OR51B5: variants seen among roughly 807,000 people sequenced by gnomAD.
OR51B5 encodes olfactory receptor family 51 subfamily B member 5, also known as olfactory receptor 51B5.
For synonymous variants in OR51B5, 186 were observed against 144.8 expected (o/e 1.28, Z -2.04); for missense variants, 456 against 374.6 (o/e 1.22, Z -1.79).
At chr11:5,417,678 C>T (rs1296189031) in intron 1 of OR51B5, among the ~76,000 whole-genome samples, 1 of 151,658 alleles carries the variant, frequency 6.6e-6, no homozygotes, top group East Asian at 1.9e-4. Context: ...AAAAAATGTT[C>T]ACCATCACTG....
rs529690655 is a variant in OR51B5 at position 5,492,488 on chromosome 11, TTCTC to T, written n.84+13077_84+13080del. Among the ~76,000 whole-genome samples the T allele has an allele frequency of 7.8e-4, 119 of 152,310 alleles. 1 individual carries two copies. Among genetic ancestry groups the T allele is most frequent in the African/African-American group, 2.7e-3 (114 of 41,576 alleles). ...GTGATTTAGATTATTCTCTTAATTT[TTCTC>T]TCTGAGACTCTAAATTCCCAAAGAG... On this transcript the variant is annotated intron_variant and non_coding_transcript_variant, in intron 1 of 4. Transcript: ENST00000415970.
intron 1 of OR51B5, chr11:5,351,867 T>C: frequency 6.2e-7 from 1 of 1,613,414 alleles, no homozygotes; most frequent in Non-Finnish European, 8.5e-7. Context: ...CTTATGACTG[T>C]TTCATTACCA....
At chr11:5,477,447 A>G (rs941921786) in intron 1 of OR51B5, among the ~76,000 whole-genome samples, 4 of 152,124 alleles carry the variant, frequency 2.6e-5, no homozygotes, top group South Asian at 4.2e-4. Flanking sequence ...ATTCATCTCA[A>G]AATCTATCCT....
chr11:5,345,438 A>G (rs1456992895), upstream of OR51B5, among the ~76,000 whole-genome samples: 8 of 152,168 alleles, frequency 5.3e-5, no homozygotes, highest in African/African-American at 1.9e-4. Flanking sequence ...ATTTGCTGAT[A>G]TATTAAAAAT....
At chr11:5,441,092 GT>G in intron 1 of OR51B5, 1 of 1,614,034 alleles carries the variant, frequency 6.2e-7, no homozygotes, top group Non-Finnish European at 8.5e-7. Context: ...CCAATATACG[GT>G]TGTGAGTGAG....
intron 1 of OR51B5, among the ~76,000 whole-genome samples, chr11:5,386,155 G>A (rs1472315667): frequency 6.7e-6 from 1 of 149,536 alleles, no homozygotes; most frequent in East Asian, 1.9e-4. Flanking sequence ...GGAAAAACAG[G>A]GGTGGTTTTT....
chr11:5,364,315 C>A (rs2736552), intron 1 of OR51B5, among the ~76,000 whole-genome samples: 40,696 of 151,998 alleles, frequency 0.27, 5,710 homozygotes, highest in African/African-American at 0.32. Context: ...CTTCACAAAA[C>A]CATTGGAATT....
At chr11:5,417,472 C>G (rs1382378331) in intron 1 of OR51B5, among the ~76,000 whole-genome samples, 8 of 151,388 alleles carry the variant, frequency 5.3e-5, no homozygotes, top group Non-Finnish European at 1.0e-4. Context: ...AAAGAAACTA[C>G]CATCAGAGTG....
intron 1 of OR51B5, among the ~76,000 whole-genome samples, chr11:5,379,882 C>T (rs970449166): frequency 2.0e-5 from 3 of 152,028 alleles, no homozygotes; most frequent in Admixed American, 1.3e-4. Context: ...TGCACTTGCT[C>T]TTTGTCTGCT....
intron 1 of OR51B5, among the ~76,000 whole-genome samples, chr11:5,470,733 C>T (rs537927120): frequency 6.6e-6 from 1 of 152,188 alleles, no homozygotes; most frequent in Non-Finnish European, 1.5e-5. Context: ...ATTTCTCACC[C>T]TCTCCTATTT....
intron 1 of OR51B5, among the ~76,000 whole-genome samples, chr11:5,447,775 A>T (rs1220580557): frequency 1.2e-5 from 1 of 81,062 alleles, no homozygotes; most frequent in Non-Finnish European, 3.4e-5. Context: ...TCTTCACCCA[A>T]GTACTAGTGG....
intron 1 of OR51B5, chr11:5,469,191 A>T (rs1430401721): frequency 5.8e-6 from 1 of 171,834 alleles, no homozygotes; most frequent in Non-Finnish European, 1.2e-5. Context: ...GGCAATGTAG[A>T]AAAGGACACA....
intron 1 of OR51B5, among the ~76,000 whole-genome samples, chr11:5,497,461 T>C (rs1057380264): frequency 3.3e-5 from 5 of 152,074 alleles, no homozygotes; most frequent in Non-Finnish European, 7.4e-5. Flanking sequence ...CAAAATTGAG[T>C]CCACTATTGG....
chr11:5,378,061 T>C (rs1849554691), intron 1 of OR51B5, among the ~76,000 whole-genome samples: 1 of 152,028 alleles, frequency 6.6e-6, no homozygotes, highest in Non-Finnish European at 1.5e-5. Context: ...CTTCAAACTA[T>C]ACTACAAGGC....
intron 1 of OR51B5, among the ~76,000 whole-genome samples, chr11:5,483,586 GA>G (rs1204755377): frequency 6.6e-6 from 1 of 151,254 alleles, no homozygotes; most frequent in African/African-American, 2.4e-5. Flanking sequence ...GGAAGACAAG[GA>G]AAGAAGTGAA....
chr11:5,372,261 TTTTA>T (rs1393122477), intron 1 of OR51B5, among the ~76,000 whole-genome samples: 4 of 152,192 alleles, frequency 2.6e-5, no homozygotes, highest in Non-Finnish European at 4.4e-5. Context: ...AAAATGCGGA[TTTTA>T]TTTATTTTGG....
At chr11:5,455,225 G>A (rs1331180446) in intron 1 of OR51B5, 1 of 152,034 alleles carries the variant, frequency 6.6e-6, no homozygotes, top group African/African-American at 2.4e-5. Context: ...ATAGAATTTT[G>A]GGGGAAAGGG....
chr11:5,505,460 G>A, intron 1 of OR51B5: 3 of 1,302,264 alleles, frequency 2.3e-6, no homozygotes, highest in Non-Finnish European at 3.0e-6. Flanking sequence ...CCCCTAATGG[G>A]GAGTGGAGTG....
At chr11:5,447,842 C>G (rs1396708391) in intron 1 of OR51B5, among the ~76,000 whole-genome samples, 3 of 152,178 alleles carry the variant, frequency 2.0e-5, no homozygotes, top group Non-Finnish European at 2.9e-5. Flanking sequence ...ACTTCTAGAA[C>G]CAGCCTTACC....
Sources: gnomAD v4.1 joint callset for allele counts (sites outside exome capture counted in the v4.1 genomes callset) on GRCh38, gnomAD v4.1.1 for gene constraint, MANE v1.5 for transcripts, NCBI Gene and HGNC (gene_info 2026-07-23, HGNC 2026-07-21) for gene names.